ZNF280D: variants seen among roughly 807,000 people sequenced by gnomAD.
The protein encoded by ZNF280D is suppressor of hairy wing homolog 4.
A neutral mutation model predicts 94.7 loss-of-function variants in ZNF280D; 39 were observed. That is an observed-to-expected ratio of 0.41 (90% CI 0.32 to 0.54). The LOEUF (loss-of-function observed/expected upper bound fraction) is 0.54, where lower values mean the gene tolerates loss of function less well. ZNF280D is among the 20% of genes least tolerant of loss of function. ZNF280D has a pLI of 0.22. For synonymous variants in ZNF280D, 398 were observed against 377.6 expected (o/e 1.05, Z -0.63); for missense variants, 1,090 against 1,149.3 (o/e 0.95, Z 0.75).
intron 10 of ZNF280D, among the ~76,000 whole-genome samples, chr15:56,680,362 T>C (rs1256610421): frequency 6.6e-6 from 1 of 152,206 alleles, no homozygotes; most frequent in Admixed American, 6.5e-5. Flanking sequence ...TCAGTATTTT[T>C]AAAAATACTC....
intron 17 of ZNF280D, 34 bp downstream of exon 17, chr15:56,658,390 C>T: frequency 6.6e-7 from 1 of 1,522,564 alleles, no homozygotes; most frequent in Non-Finnish European, 8.9e-7. Flanking sequence ...TACAATTTTT[C>T]AATAGAAAGA....
At chr15:56,696,325 G>A (rs895708799) in intron 6 of ZNF280D, among the ~76,000 whole-genome samples, 6 of 152,126 alleles carry the variant, frequency 3.9e-5, no homozygotes, top group Admixed American at 2.6e-4. Context: ...TGTTTTAAAC[G>A]TACTTGCTCT....
At chr15:56,661,257 T>C (rs1318619780) in intron 16 of ZNF280D, among the ~76,000 whole-genome samples, 1 of 151,594 alleles carries the variant, frequency 6.6e-6, no homozygotes, top group Non-Finnish European at 1.5e-5. Flanking sequence ...ATAAAAGGAG[T>C]TGAAGGAGTT....
intron 20 of ZNF280D, 138 bp downstream of exon 20, chr15:56,642,814 T>A: frequency 2.0e-6 from 1 of 491,678 alleles, no homozygotes; most frequent in Non-Finnish European, 3.5e-6. Flanking sequence ...AAATTTTAAA[T>A]CTCGATTTTT....
intron 1 of ZNF280D, among the ~76,000 whole-genome samples, chr15:56,724,640 C>T (rs1369197054): frequency 6.6e-6 from 1 of 152,196 alleles, no homozygotes; most frequent in African/African-American, 2.4e-5. Context: ...TTGATTTCCT[C>T]ATCTGTAAAG....
intron 19 of ZNF280D, among the ~76,000 whole-genome samples, chr15:56,650,189 A>T (rs2053125865): frequency 6.6e-6 from 1 of 152,060 alleles, no homozygotes; most frequent in African/African-American, 2.4e-5. Context: ...TTGCACACAT[A>T]AAAAGTAGGG....
rs376161242 is a variant in ZNF280D, at chr15:56,657,073, C to G, written c.2057+1351G>C. Among the ~76,000 whole-genome samples, 47 of 152,210 alleles carry G rather than the reference C, an allele frequency of 3.1e-4. No individual in the cohort carries two copies. The South Asian group carries it at 7.9e-3, about 25-fold the overall frequency. ...AATCAAAAGCATCAAAATAAGTATTCGCTAAACTTATCTCTACAGATCAGC... is the reference window on the plus strand; with the variant it reads ...AATCAAAAGCATCAAAATAAGTATTGGCTAAACTTATCTCTACAGATCAGC... On this transcript the variant is annotated intron_variant, in intron 17 of 21. Coordinates refer to ENST00000267807, the MANE Select transcript of ZNF280D (RefSeq NM_017661.4).
At chr15:56,650,443 T>C (rs766942752) in intron 19 of ZNF280D, among the ~76,000 whole-genome samples, 1 of 152,170 alleles carries the variant, frequency 6.6e-6, no homozygotes, top group Non-Finnish European at 1.5e-5. Flanking sequence ...TAAATAAAGT[T>C]AGTGAGGCAG....
intron 10 of ZNF280D, among the ~76,000 whole-genome samples, chr15:56,680,473 A>C (rs1566973717): frequency 6.6e-6 from 1 of 152,054 alleles, no homozygotes; most frequent in Non-Finnish European, 1.5e-5. Context: ...CAAAAAAATG[A>C]ATTTTTCATT....
chr15:56,722,919 TC>T (rs2058443709), intron 1 of ZNF280D, among the ~76,000 whole-genome samples: 1 of 151,908 alleles, frequency 6.6e-6, no homozygotes, highest in African/African-American at 2.4e-5. Context: ...TGAGTTCATG[TC>T]CTTTGTAGGG....
intron 1 of ZNF280D, among the ~76,000 whole-genome samples, chr15:56,718,028 C>G (rs775917695): frequency 2.9e-4 from 44 of 152,038 alleles, no homozygotes; most frequent in Non-Finnish European, 5.7e-4. Context: ...CTTCAAGAAC[C>G]CTTCCAACCC....
At chr15:56,682,649 A>T (rs1352321702) in intron 9 of ZNF280D, among the ~76,000 whole-genome samples, 172 bp from the exon 10 acceptor site, 3 of 152,042 alleles carry the variant, frequency 2.0e-5, no homozygotes, top group Non-Finnish European at 4.4e-5. Flanking sequence ...TAGTCTAAAA[A>T]TTCAAATAAT....
intron 1 of ZNF280D, among the ~76,000 whole-genome samples, chr15:56,724,353 C>A (rs1461235843): frequency 6.6e-6 from 1 of 152,166 alleles, no homozygotes; most frequent in Non-Finnish European, 1.5e-5. Flanking sequence ...AAGCAGAGCT[C>A]GGTTAGGTTA....
chr15:56,696,969 C>G (rs759188949), intron 6 of ZNF280D, among the ~76,000 whole-genome samples: 2 of 152,188 alleles, frequency 1.3e-5, no homozygotes, highest in African/African-American at 2.4e-5. Context: ...CGTACAAACT[C>G]TTGCTTTTAT....
At chr15:56,650,411 A>G (rs2053139235) in intron 19 of ZNF280D, among the ~76,000 whole-genome samples, 1 of 152,182 alleles carries the variant, frequency 6.6e-6, no homozygotes, top group South Asian at 2.1e-4. Context: ...TCACAGAAAA[A>G]GAAACTGAAG....
chr15:56,727,544 T>C (rs2058685817), intron 1 of ZNF280D, among the ~76,000 whole-genome samples: 1 of 152,212 alleles, frequency 6.6e-6, no homozygotes, highest in Admixed American at 6.5e-5. Flanking sequence ...TCTTCCAGCA[T>C]CTACTGACTC....
intron 1 of ZNF280D, among the ~76,000 whole-genome samples, chr15:56,726,811 G>C (rs771645430): frequency 6.6e-6 from 1 of 152,164 alleles, no homozygotes; most frequent in Non-Finnish European, 1.5e-5. Context: ...CTATGTCAGA[G>C]AGGGAAAACA....
At position 56,631,504 on chromosome 15, in the gene ZNF280D, T is replaced by A. The variant is rs756074556; in HGVS notation, c.2934A>T (p.Arg978Ser). ...ATVDLEDEKE[R>S]S is the part of the protein sequence containing the mutation. ...AAACTTAAAATGACTAATTTCAACTTCTTTCTTTTTCGTCTTCCAGGTCTA... is the reference window on the plus strand; with the variant it reads ...AAACTTAAAATGACTAATTTCAACTACTTTCTTTTTCGTCTTCCAGGTCTA... The change falls in exon 22 of 22, where the codon AGA (arginine) becomes AGT (serine). Residue 978 changes from arginine to serine, a missense_variant. Around this residue, in one of 3 missense-constraint regions of ZNF280D, gnomAD observed 577 missense variants for 568.8 expected, o/e 1.01. Transcript: ENST00000267807. 2 of 1,610,356 alleles carry A rather than the reference T, an allele frequency of 1.2e-6. No individual in the cohort carries two copies. The highest frequency in any genetic ancestry group is 2.2e-5 in the South Asian group (2 of 90,970).
intron 13 of ZNF280D, among the ~76,000 whole-genome samples, chr15:56,670,009 A>ATTATAT (rs56365440): frequency 1.3e-3 from 4 of 2,978 alleles, no homozygotes; most frequent in African/African-American, 7.5e-3. Context: ...ATATATATAT[A>ATTATAT]ATATATATAT....
Sources: gnomAD v4.1 joint callset for allele counts (sites outside exome capture counted in the v4.1 genomes callset) on GRCh38, gnomAD v4.1.1 for gene constraint, gnomAD v4.1.1 regional missense constraint, MANE v1.5 for transcripts, NCBI Gene and HGNC (gene_info 2026-07-23, HGNC 2026-07-21) for gene names.